The following ASIC2 variants were observed in gnomAD, a reference collection of about 807,000 sequenced individuals.
ASIC2 encodes acid sensing ion channel subunit 2.
In ASIC2, 25 loss-of-function variants were observed where a neutral mutation model predicts 57.3. The observed-to-expected ratio is 0.44, with a 90% CI of 0.32 to 0.61. The LOEUF (loss-of-function observed/expected upper bound fraction) is 0.61. Ranked by LOEUF, ASIC2 falls within the 20% of genes least tolerant of loss-of-function variation. The pLI is 0.06. For synonymous variants in ASIC2, 319 were observed against 307.5 expected (o/e 1.04, Z -0.39); for missense variants, 641 against 738.1 (o/e 0.87, Z 1.52).
intron 1 of ASIC2, among the ~76,000 whole-genome samples, chr17:33,702,643 C>A (rs904730855): frequency 6.6e-6 from 1 of 152,210 alleles, no homozygotes; most frequent in Non-Finnish European, 1.5e-5. Context: ...CCAGGGACAT[C>A]AAAAATCCAG....
intron 1 of ASIC2, among the ~76,000 whole-genome samples, chr17:33,842,166 A>G (rs1913457250): frequency 6.6e-6 from 1 of 152,204 alleles, no homozygotes; most frequent in African/African-American, 2.4e-5. Flanking sequence ...CATGCAGTTT[A>G]TACAGCATTT....
chr17:33,930,084 C>G (rs377215835), intron 1 of ASIC2, among the ~76,000 whole-genome samples: 1 of 152,160 alleles, frequency 6.6e-6, no homozygotes, highest in Non-Finnish European at 1.5e-5. Flanking sequence ...TAAAAGAAAA[C>G]TTGTGATAAT....
At chr17:33,757,135 A>G (rs1910628363) in intron 1 of ASIC2, among the ~76,000 whole-genome samples, 1 of 152,184 alleles carries the variant, frequency 6.6e-6, no homozygotes, top group Admixed American at 6.5e-5. Context: ...GATTCTTATC[A>G]TGACTAGAAT....
At chr17:34,109,768 T>G (rs1911200938) in intron 1 of ASIC2, among the ~76,000 whole-genome samples, 1 of 152,196 alleles carries the variant, frequency 6.6e-6, no homozygotes, top group Non-Finnish European at 1.5e-5. Flanking sequence ...TACTCTCATT[T>G]TTTAAGCTGA....
At chr17:33,850,847 C>T (rs749257315) in intron 1 of ASIC2, among the ~76,000 whole-genome samples, 64 of 151,914 alleles carry the variant, frequency 4.2e-4, no homozygotes, top group Non-Finnish European at 8.1e-4. Flanking sequence ...TGCAGTATCT[C>T]GGTGCCATTA....
chr17:33,224,233 C>T (rs34964708), intron 1 of ASIC2, among the ~76,000 whole-genome samples: 26,085 of 152,208 alleles, frequency 0.17, 2,750 homozygotes, highest in Non-Finnish European at 0.23. Context: ...AATTATTATG[C>T]ACTTGCTTTC....
At chr17:33,386,086 C>A (rs528832241) in intron 1 of ASIC2, among the ~76,000 whole-genome samples, 2 of 152,170 alleles carry the variant, frequency 1.3e-5, no homozygotes, top group Non-Finnish European at 2.9e-5. Flanking sequence ...CCCCTGTATT[C>A]CTAGTATCTA....
chr17:33,401,722 C>T (rs183285842), intron 1 of ASIC2, among the ~76,000 whole-genome samples: 66 of 152,248 alleles, frequency 4.3e-4, no homozygotes, highest in Non-Finnish European at 5.9e-5. Context: ...GTTCGCTTCC[C>T]AGGAGACAAT....
intron 1 of ASIC2, among the ~76,000 whole-genome samples, chr17:33,509,379 C>G (rs750930006): frequency 6.6e-5 from 10 of 152,188 alleles, no homozygotes; most frequent in Admixed American, 3.9e-4. Flanking sequence ...GTCCACTTCA[C>G]AGATGAGTCA....
intron 3 of ASIC2, among the ~76,000 whole-genome samples, chr17:33,053,573 G>A (rs1164325946): frequency 1.3e-5 from 2 of 152,134 alleles, no homozygotes; most frequent in African/African-American, 2.4e-5. Context: ...TGTTGCAAGA[G>A]CTTCTTAACT....
chr17:33,139,883 C>T (rs1567759651), intron 1 of ASIC2, among the ~76,000 whole-genome samples: 1 of 152,218 alleles, frequency 6.6e-6, no homozygotes, highest in African/African-American at 2.4e-5. Context: ...TGTTCTAATG[C>T]TAGTCCCTTC....
intron 1 of ASIC2, among the ~76,000 whole-genome samples, chr17:33,363,351 G>A (rs930731501): frequency 1.3e-5 from 2 of 152,192 alleles, no homozygotes; most frequent in African/African-American, 4.8e-5. Flanking sequence ...TAAGTGACCT[G>A]CAAAAGCAAG....
chr17:33,383,182 A>G (rs1909552295), intron 1 of ASIC2, among the ~76,000 whole-genome samples: 1 of 152,184 alleles, frequency 6.6e-6, no homozygotes, highest in Non-Finnish European at 1.5e-5. Flanking sequence ...TGGGTCCCAT[A>G]GCAATTTGAG....
chr17:33,491,481 T>A (rs923417549), intron 1 of ASIC2, among the ~76,000 whole-genome samples: 4 of 152,212 alleles, frequency 2.6e-5, no homozygotes, highest in African/African-American at 9.7e-5. Flanking sequence ...AGACTATTTC[T>A]ATGGGAGAGC....
At chr17:33,701,015 G>A (rs1399251821) in intron 1 of ASIC2, among the ~76,000 whole-genome samples, 4 of 152,186 alleles carry the variant, frequency 2.6e-5, no homozygotes, top group Non-Finnish European at 4.4e-5. Flanking sequence ...TTAAAAAGCC[G>A]TTGCCAGAGG....
chr17:33,536,895 G>T (rs1915248941), intron 1 of ASIC2, among the ~76,000 whole-genome samples: 1 of 152,098 alleles, frequency 6.6e-6, no homozygotes, highest in South Asian at 2.1e-4. Flanking sequence ...GCTACTTGGG[G>T]CAGGGGGAGG....
At chr17:33,931,337 C>A (rs1915927383) in intron 1 of ASIC2, 1 of 152,110 alleles carries the variant, frequency 6.6e-6, no homozygotes, top group African/African-American at 2.4e-5. Context: ...GCAGAACAGG[C>A]CAGGGATTTT....
Position 33,464,536 on chromosome 17 carries a change from CTTTCTCTT to C in ASIC2, c.556-352477_556-352470del, listed in dbSNP as rs1238337770. ...TCTTTCTTTCTTTCTTTCTTTCTTT[CTTTCTCTT>C]TCTTTCTTTCTTTCTTTCTTTTCTC... is the stretch of plus-strand genomic sequence containing the variant. On this transcript the variant is annotated intron_variant, in intron 1 of 9. Coordinates refer to the ASIC2 transcript ENST00000359872. 2.3e-3 allele frequency among the ~76,000 whole-genome samples: 70 copies of C among 31,034 alleles called. 1 individual carries two copies. Among genetic ancestry groups the C allele is most frequent in the East Asian group, 0.014 (24 of 1,748 alleles). 20.4% of individuals were successfully genotyped at this position (31,034 alleles called of 152,430 possible).
chr17:33,056,587 C>A (rs1171766549), intron 3 of ASIC2, among the ~76,000 whole-genome samples: 1 of 152,178 alleles, frequency 6.6e-6, no homozygotes, highest in Non-Finnish European at 1.5e-5. Flanking sequence ...CTGTAATGTG[C>A]TGGGTGTTCA....
Sources: allele counts gnomAD v4.1 joint callset (sites outside exome capture counted in the v4.1 genomes callset), GRCh38; gene constraint gnomAD v4.1.1; transcripts MANE v1.5; gene names NCBI Gene and HGNC (gene_info 2026-07-23, HGNC 2026-07-21).